Variants in ST6GAL2 observed in about 807,000 individuals in gnomAD.
ST6GAL2 encodes beta-galactoside alpha-2,6-sialyltransferase 2.
Under a neutral mutation model 37.5 loss-of-function variants are expected in ST6GAL2, and 24 were observed. The observed-to-expected ratio is 0.64, with a 90% CI of 0.46 to 0.90. ST6GAL2 has a LOEUF of 0.90. Ranked by LOEUF, ST6GAL2 falls within the 40% of genes least tolerant of loss-of-function variation. ST6GAL2 has a pLI of 0.00. For missense variants in ST6GAL2, 715 were observed against 712.7 expected (o/e 1.00, Z -0.04); for synonymous variants, 306 against 295.1 (o/e 1.04, Z -0.38).
chr2:106,832,187 A>G (rs983143864), intron 4 of ST6GAL2, among the ~76,000 whole-genome samples: 3 of 152,228 alleles, frequency 2.0e-5, no homozygotes, highest in Non-Finnish European at 2.9e-5. Context: ...TCGTGCCATC[A>G]CCTTCAATTT....
intron 5 of ST6GAL2, among the ~76,000 whole-genome samples, chr2:106,815,975 A>T (rs1675787462): frequency 1.3e-5 from 2 of 152,204 alleles, no homozygotes; most frequent in Admixed American, 6.5e-5. Context: ...GCTGCTTCAC[A>T]GTGAGGGAGC....
rs181693229 is a variant in ST6GAL2 at position 106,836,043 on chromosome 2, T to G, written c.944-1897A>C. Reference sequence around the variant, plus strand: ...AAACACTTTTTAGGCAGATGGAATATATCTACTGATATTTACCATACTAAA... The same window carrying G: ...AAACACTTTTTAGGCAGATGGAATAGATCTACTGATATTTACCATACTAAA... On this transcript the variant is annotated intron_variant, in intron 2 of 5. Coordinates refer to ENST00000409382, the MANE Select transcript of ST6GAL2 (RefSeq NM_001142351.2). Among the ~76,000 whole-genome samples the G allele has an allele frequency of 3.3e-3, 499 of 152,260 alleles. 3 individuals carry two copies. Among genetic ancestry groups the G allele is most frequent in the African/African-American group, 0.012 (486 of 41,506 alleles).
intron 1 of ST6GAL2, among the ~76,000 whole-genome samples, chr2:106,845,482 G>T (rs1290580238): frequency 6.6e-6 from 1 of 152,176 alleles, no homozygotes; most frequent in Non-Finnish European, 1.5e-5. Flanking sequence ...TGAGGGGAGG[G>T]TCTGCCAGGG....
At position 106,806,017 on chromosome 2, in the gene ST6GAL2, T is replaced by G. The variant is rs1290993325; in HGVS notation, c.*661A>C. ...TCTGTGGTGCTATATGGAATTTGGC[T>G]TTTTCTTGGACCTTTCAAGATGGAT... is the stretch of plus-strand genomic sequence containing the variant. On this transcript the variant is annotated 3_prime_UTR_variant, in exon 6 of 6. Transcript: ENST00000409382. 6.6e-6 allele frequency: 1 copy of G among 152,348 alleles called. No homozygotes were observed. The highest frequency in any genetic ancestry group is 1.9e-4 in the East Asian group (1 of 5,194). The allele number at this position is 152,348 out of a possible 1,614,324, so 9.4% of individuals were successfully genotyped here.
At chr2:106,811,038 C>T (rs916745519) in intron 5 of ST6GAL2, among the ~76,000 whole-genome samples, 5 of 151,958 alleles carry the variant, frequency 3.3e-5, no homozygotes, top group African/African-American at 7.2e-5. Context: ...GTGCCAAAGA[C>T]GTAGAATATT....
At chr2:106,872,954 C>A (rs918040957) in intron 1 of ST6GAL2, among the ~76,000 whole-genome samples, 7 of 152,116 alleles carry the variant, frequency 4.6e-5, no homozygotes, top group African/African-American at 1.4e-4. Flanking sequence ...TTTTAATTAA[C>A]TGACATGTGC....
intron 1 of ST6GAL2, among the ~76,000 whole-genome samples, chr2:106,855,179 C>T (rs542919327): frequency 7.2e-5 from 11 of 152,248 alleles, no homozygotes; most frequent in South Asian, 4.2e-4. Context: ...CAAGCATGAA[C>T]GAAAGGATAC....
rs947888562 is a variant in ST6GAL2 at position 106,802,496 on chromosome 2, A to C, written c.*4182T>G. ...TTCATTTAATAAAACAAGAACTTAC[A>C]TTTTATTTCCTTGAACGGACAGAGA... On this transcript the variant is annotated 3_prime_UTR_variant, in exon 6 of 6. Coordinates refer to ENST00000409382, the MANE Select transcript of ST6GAL2 (RefSeq NM_001142351.2). 3.3e-5 allele frequency: 5 copies of C among 152,130 alleles called. No homozygotes were observed. The highest frequency in any genetic ancestry group is 7.3e-5 in the Non-Finnish European group (5 of 68,032). The allele number at this position is 152,130 out of a possible 1,614,324, so 9.4% of individuals were successfully genotyped here.
intron 1 of ST6GAL2, among the ~76,000 whole-genome samples, chr2:106,883,326 A>G (rs1375476738): frequency 6.6e-6 from 1 of 152,242 alleles, no homozygotes. Flanking sequence ...ATTTAGAAAG[A>G]AATTTCTCAA....
intron 1 of ST6GAL2, among the ~76,000 whole-genome samples, chr2:106,882,555 T>G (rs542682267): frequency 6.6e-6 from 1 of 152,352 alleles, no homozygotes; most frequent in East Asian, 1.9e-4. Context: ...AGGAATTAGC[T>G]TTTAAGTATG....
In ST6GAL2 at chr2:106,843,732, G is replaced by T. The variant is rs528100540; in HGVS notation, c.246C>A (p.Arg82=). 6.2e-7 allele frequency: 1 copy of T among 1,612,202 alleles called. No individual in the cohort carries two copies. The highest frequency in any genetic ancestry group is 8.5e-7 in the Non-Finnish European group (1 of 1,179,638). Residue 82 remains arginine (R), a synonymous_variant, in exon 2 of 6, where the codon CGC becomes CGA. Coordinates refer to ENST00000409382, the MANE Select transcript of ST6GAL2 (RefSeq NM_001142351.2). ...CATGAAAGGAACCGGCTGGGTGGGC[G>T]CGGGGCAGCGCCTGGCGTGCGTCCA... is the stretch of plus-strand genomic sequence containing the variant. ...GGLDARQALP[R]AHPAGSFHAG...
At chr2:106,863,891 A>AGTGTGGTGCC (rs1407642442) in intron 1 of ST6GAL2, among the ~76,000 whole-genome samples, 3 of 152,178 alleles carry the variant, frequency 2.0e-5, no homozygotes, top group African/African-American at 7.2e-5. Flanking sequence ...TATTTCTGGA[A>AGTGTGGTGCC]GTGTGGTGCC....
Position 106,843,536 on chromosome 2 carries a change from A to G in ST6GAL2, c.442T>C (p.Leu148=), listed in dbSNP as rs769110535. ...GGCTCCCCGGGGGAAGGGAATCCCA[A>G]TGTCCCCTGAGTGTGGCTGTGCCAC... is the stretch of plus-strand genomic sequence containing the variant. The part of the protein sequence containing the change: ...PGWHSHTQGT[L]GFPSPGEPGP... The change falls in exon 2 of 6, where the codon TTG becomes CTG. Residue 148 remains leucine, a synonymous_variant. Coordinates refer to ENST00000409382, the MANE Select transcript of ST6GAL2 (RefSeq NM_001142351.2). 1.9e-6 allele frequency: 3 copies of G among 1,613,856 alleles called. No homozygotes were observed. Among genetic ancestry groups the G allele is most frequent in the South Asian group, 1.1e-5 (1 of 91,084 alleles).
chr2:106,817,549 C>A (rs1675848677), intron 5 of ST6GAL2, among the ~76,000 whole-genome samples: 1 of 152,154 alleles, frequency 6.6e-6, no homozygotes, highest in South Asian at 2.1e-4. Context: ...GCTGCTGGGT[C>A]TTGAATAATT....
In ST6GAL2 at chr2:106,830,120, G is replaced by C. The variant is rs1175555223; in HGVS notation, c.1264C>G (p.Gln422Glu). 1 of 1,613,978 alleles carries C rather than the reference G, an allele frequency of 6.2e-7. No individual in the cohort carries two copies. The highest frequency in any genetic ancestry group is 8.5e-7 in the Non-Finnish European group (1 of 1,179,980). The part of the protein sequence containing the change: ...KFIWQLWDII[Q>E]ENTKEKIQPN... ...TGAATCTTCTCTTTAGTGTTCTCCT[G>C]GATAATATCCCAGAGCTGCCATATA... is the stretch of plus-strand genomic sequence containing the variant. Residue 422 changes from glutamine to glutamate, a missense_variant, in exon 5 of 6, where the codon CAG becomes GAG. Physicochemically the swap from Gln to Glu is conservative, Grantham distance 29. Around this residue, in one of 3 missense-constraint regions of ST6GAL2, gnomAD observed 198 missense variants for 203.6 expected, o/e 0.97. Transcript: ENST00000409382.
At chr2:106,824,457 C>T (rs1316145855) in intron 5 of ST6GAL2, among the ~76,000 whole-genome samples, 4 of 152,066 alleles carry the variant, frequency 2.6e-5, no homozygotes, top group East Asian at 1.9e-4. Context: ...ATGGTGAAAC[C>T]CCGTCTCTAC....
chr2:106,835,659 C>A (rs1220902188), intron 2 of ST6GAL2, among the ~76,000 whole-genome samples: 1 of 152,170 alleles, frequency 6.6e-6, no homozygotes, highest in Non-Finnish European at 1.5e-5. Context: ...TCCACCATAA[C>A]ACAGACACAC....
At chr2:106,869,341 A>G (rs1281706967) in intron 1 of ST6GAL2, among the ~76,000 whole-genome samples, 1 of 152,216 alleles carries the variant, frequency 6.6e-6, no homozygotes, top group Non-Finnish European at 1.5e-5. Flanking sequence ...ATATTTGGAC[A>G]AAAACCAAAC....
At position 106,803,684 on chromosome 2, in the gene ST6GAL2, G is replaced by T. The variant is rs1488762817; in HGVS notation, c.*2994C>A. 1 of 152,026 alleles carries T rather than the reference G, an allele frequency of 6.6e-6. No homozygotes were observed. The highest frequency in any genetic ancestry group is 2.4e-5 in the African/African-American group (1 of 41,386). 9.4% of individuals were successfully genotyped at this position (152,026 alleles called of 1,614,324 possible). On this transcript the variant is annotated 3_prime_UTR_variant, in exon 6 of 6. Transcript: ENST00000409382. The stretch of plus-strand genomic sequence containing the variant: ...GGTGAAATTATCTTGAAATACAAAA[G>T]AACGTCTGTTGGTCCTGAGAGTGAA...
Sources: gnomAD v4.1 joint callset for allele counts (sites outside exome capture counted in the v4.1 genomes callset) on GRCh38, gnomAD v4.1.1 for gene constraint, gnomAD v4.1.1 regional missense constraint, MANE v1.5 for transcripts, NCBI Gene and HGNC (gene_info 2026-07-23, HGNC 2026-07-21) for gene names.